Variants in CLTC observed in about 807,000 individuals in gnomAD.
CLTC encodes clathrin heavy chain, also known as clathrin heavy chain 1.
In CLTC, 16 loss-of-function variants were observed where a neutral mutation model predicts 195.8. That is an observed-to-expected ratio of 0.08 (90% CI 0.06 to 0.12). CLTC has a LOEUF of 0.12. Among genes scored for constraint, CLTC ranks in the 10% least tolerant of loss-of-function variants. The probability of loss-of-function intolerance (pLI) is 1.00; values close to 1 mark genes in which losing one functional copy is unlikely to be tolerated. For missense variants in CLTC, 796 were observed against 2,027.0 expected, an observed-to-expected ratio of 0.39 and a Z score of 11.66; for synonymous variants, 667 against 689.4, an observed-to-expected ratio of 0.97 and a Z score of 0.51.
At chr17:59,669,191 C>T (rs934072555) in intron 14 of CLTC, among the ~76,000 whole-genome samples, 2 of 151,934 alleles carry the variant, frequency 1.3e-5, no homozygotes, top group Admixed American at 1.3e-4. Flanking sequence ...AAAGGAATTT[C>T]CTTTATTTTA....
Position 59,666,259 on chromosome 17 carries a change from T to G in CLTC, c.1782+19T>G. 1 of 1,608,766 alleles carries G rather than the reference T, an allele frequency of 6.2e-7. No individual in the cohort carries two copies. The highest frequency in any genetic ancestry group is 8.5e-7 in the Non-Finnish European group (1 of 1,175,588). Reference sequence around the variant, plus strand: ...GCCTCAAGTATGTGTTTTAATGCTTTTTAGGCATGTTTCCAACATTGTTTT... The same window carrying G: ...GCCTCAAGTATGTGTTTTAATGCTTGTTAGGCATGTTTCCAACATTGTTTT... On this transcript the variant is annotated intron_variant, in intron 11 of 31. Coordinates refer to ENST00000269122, the MANE Select transcript of CLTC (RefSeq NM_004859.4). The surrounding 1 kb of genome is among the most constrained non-coding windows in gnomAD (Gnocchi z 4.9).
At chr17:59,650,842 T>C (rs185409238) in intron 4 of CLTC, among the ~76,000 whole-genome samples, 2 of 152,264 alleles carry the variant, frequency 1.3e-5, no homozygotes, top group Non-Finnish European at 2.9e-5. Context: ...ACCACAGTGA[T>C]TTCCCTTATG....
In CLTC at chr17:59,696,393, A is replaced by G; in HGVS notation, c.*2541A>G. 4.6e-6 allele frequency: 1 copy of G among 219,198 alleles called. No individual in the cohort carries two copies. Among genetic ancestry groups the G allele is most frequent in the Non-Finnish European group, 9.2e-6 (1 of 109,218 alleles). The allele number at this position is 219,198 out of a possible 1,614,324, so 13.6% of individuals were successfully genotyped here. On this transcript the variant is annotated 3_prime_UTR_variant, in exon 32 of 32. Transcript: ENST00000269122. ...GAGATGGTGCTATAACGCTGCTTATATTGCAGTTAACCATAGAGAGGTGGA... is the reference window on the plus strand; with the variant it reads ...GAGATGGTGCTATAACGCTGCTTATGTTGCAGTTAACCATAGAGAGGTGGA...
At chr17:59,623,136 A>C (rs2031435912) in intron 1 of CLTC, among the ~76,000 whole-genome samples, 1 of 152,074 alleles carries the variant, frequency 6.6e-6, no homozygotes, top group South Asian at 2.1e-4. Context: ...TTGTATTCCT[A>C]GATTCTTTGG....
chr17:59,625,415 G>A (rs1215997119), intron 1 of CLTC, among the ~76,000 whole-genome samples: 7 of 152,018 alleles, frequency 4.6e-5, no homozygotes, highest in Non-Finnish European at 1.0e-4. Context: ...GTGAGCCACC[G>A]TGCCCGGCTA....
In CLTC at chr17:59,695,910, A is replaced by G. The variant is rs905161646; in HGVS notation, c.*2058A>G. On this transcript the variant is annotated 3_prime_UTR_variant, in exon 32 of 32. Coordinates refer to ENST00000269122, the MANE Select transcript of CLTC (RefSeq NM_004859.4). ...TGTGGGTTCTGCAGAGTATACTTTG[A>G]AAACTATAAGATTATGAGTTCTATA... 1 of 201,378 alleles carries G rather than the reference A, an allele frequency of 5.0e-6. No homozygotes were observed. Among genetic ancestry groups the G allele is most frequent in the Non-Finnish European group, 1.0e-5 (1 of 97,876 alleles). The allele number at this position is 201,378 out of a possible 1,614,324, so 12.5% of individuals were successfully genotyped here.
intron 10 of CLTC, among the ~76,000 whole-genome samples, chr17:59,665,158 G>A (rs2032699654): frequency 6.6e-6 from 1 of 151,838 alleles, no homozygotes; most frequent in African/African-American, 2.4e-5. Context: ...CTGGGAGGTC[G>A]AGGCTGCAGT....
intron 1 of CLTC, among the ~76,000 whole-genome samples, chr17:59,633,749 C>T (rs1292943229): frequency 6.6e-6 from 1 of 152,010 alleles, no homozygotes; most frequent in Non-Finnish European, 1.5e-5. Flanking sequence ...TTTGTGAAGT[C>T]GCTGGGAAGT....
At chr17:59,651,946 C>G (rs2032338479) in intron 5 of CLTC, among the ~76,000 whole-genome samples, 1 of 152,240 alleles carries the variant, frequency 6.6e-6, no homozygotes, top group African/African-American at 2.4e-5. Context: ...TCAGTTCTTT[C>G]AAACCCTGCC....
chr17:59,660,951 G>A (rs1282634491), intron 7 of CLTC, among the ~76,000 whole-genome samples: 1 of 152,168 alleles, frequency 6.6e-6, no homozygotes, highest in Non-Finnish European at 1.5e-5. Context: ...CAATTTTATA[G>A]TGGGTAGAGC....
chr17:59,626,646 T>C (rs933695594), intron 1 of CLTC, among the ~76,000 whole-genome samples: 1 of 152,204 alleles, frequency 6.6e-6, no homozygotes, highest in Non-Finnish European at 1.5e-5. Flanking sequence ...TTCTCTAAGT[T>C]CATGCACTAT....
At chr17:59,634,707 A>G (rs2031814927) in intron 1 of CLTC, among the ~76,000 whole-genome samples, 1 of 152,222 alleles carries the variant, frequency 6.6e-6, no homozygotes, top group South Asian at 2.1e-4. Context: ...TGGGGACAGC[A>G]AGGGTTAAAG....
Position 59,620,143 on chromosome 17 carries a change from T to C in CLTC, c.12T>C (p.Ile4=). The C allele has an allele frequency of 5.6e-6, 9 of 1,613,934 alleles. No individual in the cohort carries two copies. The highest frequency in any genetic ancestry group is 7.6e-6 in the Non-Finnish European group (9 of 1,179,976). Residue 4 remains isoleucine, a synonymous_variant, in exon 1 of 32, where the codon ATT becomes ATC. Coordinates refer to ENST00000269122, the MANE Select transcript of CLTC (RefSeq NM_004859.4). ...CCCCCGACAGCGCCATGGCCCAGAT[T>C]CTGCCAATTCGTTTTCAGGAGCATC... The part of the protein sequence containing the change: MAQ[I]LPIRFQEHLQ...
Position 59,681,587 on chromosome 17 carries a change from G to A in CLTC, c.3250-60G>A. On this transcript the variant is annotated intron_variant, in intron 20 of 31. Coordinates refer to ENST00000269122, the MANE Select transcript of CLTC (RefSeq NM_004859.4). The surrounding 1 kb of genome is among the most constrained non-coding windows in gnomAD (Gnocchi z 5.0). Reference sequence around the variant, plus strand: ...GCAATAAAATACTAACAGCTTAAATGTAATTGCTTTGGGTAGGATTGATTT... The same window carrying A: ...GCAATAAAATACTAACAGCTTAAATATAATTGCTTTGGGTAGGATTGATTT... The A allele has an allele frequency of 6.3e-7, 1 of 1,575,074 alleles. No individual in the cohort carries two copies. Among genetic ancestry groups the A allele is most frequent in the South Asian group, 1.2e-5 (1 of 86,846 alleles).
At chr17:59,684,125 G>A (rs1234390453) in intron 28 of CLTC, 140 bp downstream of exon 28, 10 of 598,060 alleles carry the variant, frequency 1.7e-5, no homozygotes, top group Non-Finnish European at 2.6e-5. Context: ...AAGATTTCAG[G>A]ATTGATAAAT....
chr17:59,670,182 T>G (rs1224963797), intron 14 of CLTC, among the ~76,000 whole-genome samples: 1 of 152,138 alleles, frequency 6.6e-6, no homozygotes, highest in Non-Finnish European at 1.5e-5. Context: ...TACTACTGAT[T>G]CACTTCCTTC....
At position 59,681,187 on chromosome 17, in the gene CLTC, C is replaced by T. The variant is rs562858554; in HGVS notation, c.3066-108C>T. 6 of 1,438,312 alleles carry T rather than the reference C, an allele frequency of 4.2e-6. No homozygotes were observed. The highest frequency in any genetic ancestry group is 4.0e-5 in the South Asian group (3 of 74,858). 89.1% of individuals were successfully genotyped at this position (1,438,312 alleles called of 1,614,324 possible). On this transcript the variant is annotated intron_variant, in intron 19 of 31. Transcript: ENST00000269122. This position sits in a 1 kb window ranked among gnomAD's most constrained non-coding sequence, Gnocchi z 5.0. ...TTCTCACTCTTCTAATATCCTCCCCCCTACCCTACCTCTTGAGACAAAAAC... is the reference window on the plus strand; with the variant it reads ...TTCTCACTCTTCTAATATCCTCCCCTCTACCCTACCTCTTGAGACAAAAAC...
intron 5 of CLTC, among the ~76,000 whole-genome samples, chr17:59,654,984 T>C (rs1009923738): frequency 2.0e-5 from 3 of 152,352 alleles, no homozygotes; most frequent in African/African-American, 7.2e-5. Flanking sequence ...CAGTGCACTT[T>C]CTGCATATCA....
rs747158962 is a variant in CLTC, at chr17:59,644,351, A to G, written c.118A>G (p.Ile40Val). The G allele has an allele frequency of 2.5e-6, 4 of 1,614,030 alleles. No homozygotes were observed. The highest frequency in any genetic ancestry group is 3.4e-6 in the Non-Finnish European group (4 of 1,180,036). The change falls in exon 2 of 32, where the codon ATT (isoleucine) becomes GTT (valine). Residue 40 changes from isoleucine to valine, a missense_variant. Physicochemically the swap from Ile to Val is conservative, Grantham distance 29 (BLOSUM62 3). Coordinates refer to ENST00000269122, the MANE Select transcript of CLTC (RefSeq NM_004859.4). ...TATGGAGTCTGACAAATTCATCTGC[A>G]TTAGAGAAAAAGTAGGAGAGCAGGC... The part of the protein sequence containing the change: ...LTMESDKFIC[I>V]REKVGEQAQV...
Sources: gnomAD v4.1 joint callset for allele counts (sites outside exome capture counted in the v4.1 genomes callset) on GRCh38, gnomAD v4.1.1 for gene constraint, Gnocchi (gnomAD v3.1) non-coding constraint, MANE v1.5 for transcripts, NCBI Gene and HGNC (gene_info 2026-07-23, HGNC 2026-07-21) for gene names.